RCAN2: variants seen among roughly 807,000 people sequenced by gnomAD.
The protein encoded by RCAN2 is regulator of calcineurin 2, also known as calcipressin-2.
A neutral mutation model predicts 23.6 loss-of-function variants in RCAN2; 9 were observed. The observed-to-expected ratio is 0.38, with a 90% confidence interval of 0.23 to 0.67. RCAN2 has a LOEUF of 0.67. Ranked by LOEUF, RCAN2 falls within the 30% of genes least tolerant of loss-of-function variation. RCAN2 has a pLI of 0.51. For missense variants in RCAN2, 273 were observed against 302.3 expected (o/e 0.90, Z 0.72); for synonymous variants, 109 against 115.7 (o/e 0.94, Z 0.37).
intron 2 of RCAN2, among the ~76,000 whole-genome samples, chr6:46,327,851 A>G (rs908886970): frequency 1.3e-5 from 2 of 152,196 alleles, no homozygotes; most frequent in African/African-American, 4.8e-5. Flanking sequence ...TTGGGAAGAC[A>G]TGCATGTAAT....
chr6:46,236,069 G>A (rs1038379214), intron 4 of RCAN2, among the ~76,000 whole-genome samples: 1 of 152,194 alleles, frequency 6.6e-6, no homozygotes, highest in East Asian at 1.9e-4. Flanking sequence ...TATTTAGGGC[G>A]ATATTATTTT....
chr6:46,368,644 T>C (rs967156683), intron 2 of RCAN2, among the ~76,000 whole-genome samples: 1 of 151,548 alleles, frequency 6.6e-6, no homozygotes, highest in African/African-American at 2.4e-5. Flanking sequence ...ATAATACACA[T>C]TTTTGTATGT....
chr6:46,279,976 A>G (rs1767848996), intron 2 of RCAN2, among the ~76,000 whole-genome samples: 1 of 152,210 alleles, frequency 6.6e-6, no homozygotes, highest in Admixed American at 6.5e-5. Flanking sequence ...GGTTGTTGTT[A>G]TCATCCTTAT....
At chr6:46,228,126 T>A (rs970445248) in intron 4 of RCAN2, among the ~76,000 whole-genome samples, 1 of 152,252 alleles carries the variant, frequency 6.6e-6, no homozygotes, top group African/African-American at 2.4e-5. Flanking sequence ...TTGATTGCAC[T>A]GTGGTCTGAG....
intron 2 of RCAN2, among the ~76,000 whole-genome samples, chr6:46,351,230 G>C (rs549219052): frequency 6.6e-6 from 1 of 152,258 alleles, no homozygotes; most frequent in East Asian, 1.9e-4. Context: ...ACCTTTGCTA[G>C]CTATTGTCAA....
chr6:46,242,037 A>G (rs975174339), intron 4 of RCAN2, among the ~76,000 whole-genome samples: 2 of 152,320 alleles, frequency 1.3e-5, no homozygotes. Context: ...TTTTCGGAAT[A>G]TAAACTTGCT....
At chr6:46,229,936 T>C (rs568445489) in intron 4 of RCAN2, among the ~76,000 whole-genome samples, 2 of 152,362 alleles carry the variant, frequency 1.3e-5, no homozygotes, top group South Asian at 4.1e-4. Flanking sequence ...TTGATGATGG[T>C]AACGTACAGA....
chr6:46,294,746 T>C (rs1036961958), intron 2 of RCAN2, among the ~76,000 whole-genome samples: 7 of 152,286 alleles, frequency 4.6e-5, no homozygotes, highest in Admixed American at 1.3e-4. Flanking sequence ...CTTTTAAAGC[T>C]GGAAGGAAAT....
At chr6:46,230,861 C>T (rs1242780942) in intron 4 of RCAN2, among the ~76,000 whole-genome samples, 1 of 152,208 alleles carries the variant, frequency 6.6e-6, no homozygotes, top group Non-Finnish European at 1.5e-5. Context: ...GAGCTGTAGA[C>T]TGGAGCTCTT....
intron 2 of RCAN2, among the ~76,000 whole-genome samples, chr6:46,346,084 A>G (rs1219801447): frequency 6.6e-6 from 1 of 152,196 alleles, no homozygotes; most frequent in Non-Finnish European, 1.5e-5. Flanking sequence ...TCACAAAGGA[A>G]TTAAATTAGA....
intron 4 of RCAN2, among the ~76,000 whole-genome samples, chr6:46,244,867 G>C (rs554079893): frequency 2.6e-4 from 39 of 152,360 alleles, no homozygotes; most frequent in African/African-American, 7.7e-4. Context: ...GTGTGTCCTT[G>C]TCAATATCTG....
rs576674679 is a variant in RCAN2, at chr6:46,485,913, C to T, written c.-3+5260G>A. 1.2e-4 allele frequency among the ~76,000 whole-genome samples: 19 copies of T among 152,246 alleles called. No individual in the cohort carries two copies. The South Asian group carries it at 3.9e-3, about 32-fold the overall frequency. Reference sequence around the variant, plus strand: ...AAAACAAGCTATTTGTACCAAAGAACAGGGCAAGGAAATACAACATTCTTA... The same window carrying T: ...AAAACAAGCTATTTGTACCAAAGAATAGGGCAAGGAAATACAACATTCTTA... On this transcript the variant is annotated intron_variant, in intron 1 of 4. Transcript: ENST00000371374.
At chr6:46,387,752 G>A (rs1765799057) in intron 2 of RCAN2, among the ~76,000 whole-genome samples, 1 of 152,040 alleles carries the variant, frequency 6.6e-6, no homozygotes, top group Admixed American at 6.5e-5. Context: ...CCCATTATTG[G>A]GTATATACCC....
chr6:46,374,558 C>T (rs1474670082), intron 2 of RCAN2, among the ~76,000 whole-genome samples: 2 of 152,134 alleles, frequency 1.3e-5, no homozygotes, highest in East Asian at 3.9e-4. Context: ...CAACGCTTAA[C>T]CATTTGTAGC....
rs1467641168 is a variant in RCAN2 at position 46,242,656 on chromosome 6, T to TG, written c.571+4091_571+4092insC. Among the ~76,000 whole-genome samples the TG allele has an allele frequency of 2.0e-5, 3 of 152,340 alleles. No homozygotes were observed. The East Asian group carries it at 5.8e-4, about 29-fold the overall frequency. On this transcript the variant is annotated intron_variant, in intron 4 of 4. Transcript: ENST00000371374. ...GAGGTAGTCATTCTTTAACATGCAA[T>TG]TAGTTATAATTTGTTACTGAAATGA...
chr6:46,436,893 C>T (rs1313720197), intron 2 of RCAN2, among the ~76,000 whole-genome samples: 1 of 152,118 alleles, frequency 6.6e-6, no homozygotes, highest in Admixed American at 6.5e-5. Flanking sequence ...AAAAACAGAA[C>T]CAACCCCTCC....
intron 2 of RCAN2, among the ~76,000 whole-genome samples, chr6:46,328,664 G>T (rs1326761047): frequency 6.6e-6 from 1 of 152,204 alleles, no homozygotes; most frequent in Non-Finnish European, 1.5e-5. Context: ...AGGCTGGAGT[G>T]CAGTGGCACG....
intron 2 of RCAN2, among the ~76,000 whole-genome samples, chr6:46,389,093 C>A (rs1371942218): frequency 6.6e-6 from 1 of 151,816 alleles, no homozygotes; most frequent in Non-Finnish European, 1.5e-5. Context: ...GCAAAAGAAA[C>A]CAGAAGGCAG....
intron 2 of RCAN2, among the ~76,000 whole-genome samples, chr6:46,436,656 T>C (rs1318241223): frequency 6.6e-6 from 1 of 152,202 alleles, no homozygotes. Flanking sequence ...AGGAAACCTA[T>C]GAGGTCAATA....
Sources: allele counts gnomAD v4.1 joint callset (sites outside exome capture counted in the v4.1 genomes callset), GRCh38; gene constraint gnomAD v4.1.1; transcripts MANE v1.5; gene names NCBI Gene and HGNC (gene_info 2026-07-23, HGNC 2026-07-21).